The following ITIH3 variants were observed in gnomAD, a reference collection of about 807,000 sequenced individuals.
ITIH3 encodes inter-alpha-trypsin inhibitor heavy chain 3.
ITIH3 carries 81 observed loss-of-function variants against 96.5 expected under a neutral mutation model. That is an observed-to-expected ratio of 0.84 (90% CI 0.70 to 1.01). The LOEUF is 1.01. Ranked by LOEUF, ITIH3 falls within the 50% of genes least tolerant of loss-of-function variation. The pLI is 0.00. For synonymous variants in ITIH3, 422 were observed against 445.2 expected (o/e 0.95, Z 0.66); for missense variants, 1,057 against 1,139.3 (o/e 0.93, Z 1.04).
chr3:52,805,838 T>A lies in ITIH3; in HGVS notation c.1904T>A (p.Leu635Gln). The change falls in exon 16 of 22, where the codon CTG becomes CAG. Residue 635 changes from leucine (L) to glutamine (Q), a missense_variant and splice_region_variant. Coordinates refer to ENST00000449956, the MANE Select transcript of ITIH3 (RefSeq NM_002217.4). ...CCGGTGAGCCCCGCCATGTCCTACC[T>A]GAGTGAGTACATGCTGGCAGCTGCC... ...ATPVSPAMSY[L>Q]TSYQPPQNPY... The A allele has an allele frequency of 6.2e-7, 1 of 1,613,758 alleles. No individual in the cohort carries two copies. Among genetic ancestry groups the A allele is most frequent in the Non-Finnish European group, 8.5e-7 (1 of 1,179,744 alleles).
intron 19 of ITIH3, 99 bp downstream of exon 19, chr3:52,807,204 G>A (rs13059141): frequency 0.095 from 101,152 of 1,060,758 alleles, 5,678 homozygotes; most frequent in Non-Finnish European, 0.11. Flanking sequence ...AGATCCATGG[G>A]GGTCACAGGA....
chr3:52,800,771 C>T, intron 10 of ITIH3, 108 bp downstream of exon 10: 3 of 1,507,364 alleles, frequency 2.0e-6, no homozygotes, highest in Non-Finnish European at 1.8e-6. Context: ...CCCTGGGTTC[C>T]CTGTGGTCTG....
At chr3:52,804,197 T>C in intron 14 of ITIH3, 188 bp downstream of exon 14, 1 of 617,830 alleles carries the variant, frequency 1.6e-6, no homozygotes, top group Non-Finnish European at 2.8e-6. Flanking sequence ...GACAGTGGGG[T>C]GTGGGGTGAA....
In ITIH3 at chr3:52,807,021, T is replaced by C; in HGVS notation, c.2177T>C (p.Val726Ala). 1 of 1,601,102 alleles carries C rather than the reference T, an allele frequency of 6.2e-7. No homozygotes were observed. The highest frequency in any genetic ancestry group is 1.1e-5 in the South Asian group (1 of 88,304). Residue 726 changes from valine to alanine, a missense_variant, in exon 19 of 22, where the codon GTG (valine) becomes GCG (alanine). By Grantham distance (64) the Val-to-Ala change is moderately conservative. Transcript: ENST00000449956. ...ANAQMDFQVE[V>A]TTEKITLWNR... Reference sequence around the variant, plus strand: ...GCTCAGATGGACTTCCAGGTGGAGGTGACAACGGAGAAGATCACCCTGTGG... The same window carrying C: ...GCTCAGATGGACTTCCAGGTGGAGGCGACAACGGAGAAGATCACCCTGTGG...
intron 11 of ITIH3, chr3:52,802,093 CTT>C (rs5848961): frequency 2.6e-4 from 105 of 409,266 alleles, no homozygotes; most frequent in African/African-American, 1.9e-3. Context: ...TTTCATATTT[CTT>C]TTTTTTTTTA....
At chr3:52,807,132 G>A in intron 19 of ITIH3, 27 bp downstream of exon 19, 1 of 1,553,568 alleles carries the variant, frequency 6.4e-7, no homozygotes, top group South Asian at 1.2e-5. Context: ...GGTCTCCAAG[G>A]TGGACTACAG....
chr3:52,800,488 A>G, intron 9 of ITIH3, 50 bp from the exon 10 acceptor site: 1 of 1,549,666 alleles, frequency 6.5e-7, no homozygotes, highest in South Asian at 1.2e-5. Context: ...CTGTCTGCAC[A>G]CTGGCACCCT....
At position 52,798,877 on chromosome 3, in the gene ITIH3, G is replaced by A. The variant is rs1318613026; in HGVS notation, c.664-89G>A. The stretch of plus-strand genomic sequence containing the variant: ...GCCAAGGGCTCCTCCCTGTGAGGCT[G>A]CACCTCTGCTCCCTCAGCTAAGGGC... On this transcript the variant is annotated intron_variant, in intron 6 of 21. Transcript: ENST00000449956. 5.3e-6 allele frequency: 8 copies of A among 1,503,094 alleles called. No homozygotes were observed. In the South Asian group the frequency reaches 8.4e-5, roughly 16 times the overall value. 93.1% of individuals were successfully genotyped at this position (1,503,094 alleles called of 1,614,324 possible). A position where few individuals can be genotyped will look rare whatever the true frequency, so the allele number is the denominator to read the frequency against.
intron 11 of ITIH3, 170 bp from the exon 12 acceptor site, chr3:52,802,164 G>A: frequency 1.7e-6 from 1 of 596,452 alleles, no homozygotes; most frequent in Non-Finnish European, 2.9e-6. Flanking sequence ...CTGGGAGCAG[G>A]GAGTTGCCGG....
chr3:52,797,144 C>T lies in ITIH3; in HGVS notation c.426C>T (p.Val142=), dbSNP rs1446348554. Residue 142 remains valine (V), a synonymous_variant, in exon 5 of 22, where the codon GTC becomes GTT. Transcript: ENST00000449956. The part of the protein sequence containing the change: ...GRKLEKFTVS[V]NVAAGSKVTF... ...AGTTGGAGAAGTTCACAGTCTCGGT[C>T]AACGTGGCTGCAGGCAGCAAAGTCA... 1 of 1,609,808 alleles carries T rather than the reference C, an allele frequency of 6.2e-7. No individual in the cohort carries two copies.
In ITIH3 at chr3:52,802,426, C is replaced by T; in HGVS notation, c.1476C>T (p.Tyr492=). Residue 492 remains tyrosine, a synonymous_variant, in exon 12 of 22, where the codon TAC becomes TAT. Coordinates refer to ENST00000449956, the MANE Select transcript of ITIH3 (RefSeq NM_002217.4). ...TCCTGGACCTCACCCAGAACACTTA[C>T]CAGCACTTCTACGATGGCTCTGAGA... ...NAILDLTQNT[Y]QHFYDGSEIV... The T allele has an allele frequency of 6.2e-7, 1 of 1,613,992 alleles. No homozygotes were observed. The highest frequency in any genetic ancestry group is 8.5e-7 in the Non-Finnish European group (1 of 1,179,880).
chr3:52,807,848 A>G lies in ITIH3; in HGVS notation c.2363A>G (p.His788Arg). The change falls in exon 20 of 22, where the codon CAC becomes CGC. Residue 788 changes from histidine (H) to arginine (R), a missense_variant. Coordinates refer to ENST00000449956, the MANE Select transcript of ITIH3 (RefSeq NM_002217.4). ...LHQVWKKHPV[H>R]RDFLGFYVVD... ...CAGGTGTGGAAGAAACATCCTGTCCACCGTGACTTTCTAGGCTTCTACGTG... is the reference window on the plus strand; with the variant it reads ...CAGGTGTGGAAGAAACATCCTGTCCGCCGTGACTTTCTAGGCTTCTACGTG... 1.2e-6 allele frequency: 2 copies of G among 1,611,690 alleles called. No homozygotes were observed.
At chr3:52,799,542 A>G in intron 8 of ITIH3, 54 bp downstream of exon 8, 1 of 1,097,830 alleles carries the variant, frequency 9.1e-7, no homozygotes, top group Non-Finnish European at 1.3e-6. Context: ...GGTGGAAGAG[A>G]TTTTTTTTTT....
chr3:52,804,569 C>A, intron 14 of ITIH3, 157 bp from the exon 15 acceptor site: 1 of 699,614 alleles, frequency 1.4e-6, no homozygotes, highest in African/African-American at 1.8e-5. Flanking sequence ...CTTCCAAGAA[C>A]TCCTAGTTCC....
intron 11 of ITIH3, 90 bp from the exon 12 acceptor site, chr3:52,802,244 G>C: frequency 1.5e-6 from 2 of 1,370,264 alleles, no homozygotes; most frequent in Non-Finnish European, 1.0e-6. Context: ...CCATTAGGAC[G>C]GGCCCAGCCC....
chr3:52,803,128 G>A (rs900790369), intron 13 of ITIH3, among the ~76,000 whole-genome samples: 1 of 152,228 alleles, frequency 6.6e-6, no homozygotes, highest in African/African-American at 2.4e-5. Flanking sequence ...TCAGTGCCCA[G>A]AGGGCAGAGC....
rs772405455 is a variant in ITIH3, at chr3:52,803,917, A to AGTATCACTTT, written c.1775_1784dup (p.Thr596SerfsTer15). ...GCCCGGGCCCTGGACCTGTCCCTCA[A>AGTATCACTTT]GTATCACTTTGTGACTCCACTGACC... is the stretch of plus-strand genomic sequence containing the variant. On this transcript the variant is annotated frameshift_variant, in exon 14 of 22. Transcript: ENST00000449956. LOFTEE classifies it high-confidence loss of function. 1.8e-5 allele frequency: 29 copies of AGTATCACTTT among 1,613,904 alleles called. No individual in the cohort carries two copies. Among genetic ancestry groups the AGTATCACTTT allele is most frequent in the Non-Finnish European group, 2.4e-5 (28 of 1,179,896 alleles).
At chr3:52,807,150 G>A (rs1267749407) in intron 19 of ITIH3, 45 bp downstream of exon 19, 14 of 1,490,884 alleles carry the variant, frequency 9.4e-6, no homozygotes, top group Non-Finnish European at 1.2e-5. Flanking sequence ...CAGGGTGAGA[G>A]TCTAAGGAGG....
In ITIH3 at chr3:52,807,921, G is replaced by C; in HGVS notation, c.2431+5G>C. On this transcript the variant is annotated splice_donor_5th_base_variant and intron_variant, in intron 20 of 21. Transcript: ENST00000449956. Reference sequence around the variant, plus strand: ...CACAGACGCATGGGCTGCTGGGTACGAAGTGTTCAGACTGCAGGCTGTTCA... The same window carrying C: ...CACAGACGCATGGGCTGCTGGGTACCAAGTGTTCAGACTGCAGGCTGTTCA... The C allele has an allele frequency of 6.2e-7, 1 of 1,611,878 alleles. No homozygotes were observed. Among genetic ancestry groups the C allele is most frequent in the Non-Finnish European group, 8.5e-7 (1 of 1,178,976 alleles).
Sources: allele counts gnomAD v4.1 joint callset (sites outside exome capture counted in the v4.1 genomes callset), GRCh38; gene constraint gnomAD v4.1.1; transcripts MANE v1.5; gene names NCBI Gene and HGNC (gene_info 2026-07-23, HGNC 2026-07-21).